SPON1: variants seen among roughly 807,000 people sequenced by gnomAD.
SPON1 encodes spondin 1, also known as spondin-1.
Under a neutral mutation model 111.7 loss-of-function variants are expected in SPON1, and 52 were observed. The observed-to-expected ratio is 0.47, with a 90% CI of 0.37 to 0.59. The LOEUF is 0.59. Among genes scored for constraint, SPON1 ranks in the 20% least tolerant of loss-of-function variants. SPON1 has a pLI of 0.00. For synonymous variants in SPON1, 410 were observed against 395.8 expected, an observed-to-expected ratio of 1.04 and a Z score of -0.43; for missense variants, 957 against 1,068.5, an observed-to-expected ratio of 0.90 and a Z score of 1.46.
intron 14 of SPON1, 165 bp from the exon 15 acceptor site, chr11:14,262,547 G>A: frequency 3.4e-6 from 3 of 878,816 alleles, no homozygotes; most frequent in Non-Finnish European, 5.2e-6. Context: ...CACACGGGCT[G>A]AAGTCAGCCT....
chr11:13,983,586 G>A (rs1316866697), intron 2 of SPON1, among the ~76,000 whole-genome samples: 1 of 152,120 alleles, frequency 6.6e-6, no homozygotes, highest in East Asian at 1.9e-4. Context: ...CACAGACAAG[G>A]ACCCCGACAG....
chr11:14,132,017 G>A lies in SPON1; in HGVS notation c.677-3403G>A, dbSNP rs80299347. ...AATTAGGTCGGGCGCAGTGGCTCACGCCTGTAATCCCAACACTGTGGGAGG... is the reference window on the plus strand; with the variant it reads ...AATTAGGTCGGGCGCAGTGGCTCACACCTGTAATCCCAACACTGTGGGAGG... On this transcript the variant is annotated intron_variant, in intron 5 of 15. Transcript: ENST00000576479. Among the ~76,000 whole-genome samples the A allele has an allele frequency of 8.0e-3, 1,218 of 152,280 alleles. 55 individuals carry two copies. The East Asian group carries it at 0.13, about 16-fold the overall frequency.
chr11:14,055,459 C>T (rs1221953638), intron 3 of SPON1, among the ~76,000 whole-genome samples: 1 of 152,180 alleles, frequency 6.6e-6, no homozygotes, highest in Non-Finnish European at 1.5e-5. Flanking sequence ...AGTCTTCCGT[C>T]TTTTTAAATG....
At chr11:14,249,996 C>G (rs1849035263) in intron 7 of SPON1, among the ~76,000 whole-genome samples, 1 of 152,166 alleles carries the variant, frequency 6.6e-6, no homozygotes, top group Non-Finnish European at 1.5e-5. Context: ...GCTGCCTCTC[C>G]AAATGTAGAA....
At chr11:14,177,503 G>A (rs1200024776) in intron 6 of SPON1, among the ~76,000 whole-genome samples, 4 of 152,114 alleles carry the variant, frequency 2.6e-5, no homozygotes, top group Admixed American at 6.5e-5. Flanking sequence ...ATCTGGGTGG[G>A]GCCAGCTGGT....
At chr11:13,992,416 C>T (rs899713230) in intron 2 of SPON1, among the ~76,000 whole-genome samples, 3 of 152,156 alleles carry the variant, frequency 2.0e-5, no homozygotes, top group Non-Finnish European at 4.4e-5. Flanking sequence ...CCACCAAGCT[C>T]GAGCGTCCCA....
rs139318221 is a variant in SPON1 at position 14,110,393 on chromosome 11, C to T, written c.677-25027C>T. Among the ~76,000 whole-genome samples, 349 of 152,296 alleles carry T rather than the reference C, an allele frequency of 2.3e-3. 1 individual carries two copies. The highest frequency in any genetic ancestry group is 7.6e-3 in the African/African-American group (314 of 41,560). On this transcript the variant is annotated intron_variant, in intron 5 of 15. Transcript: ENST00000576479. ...GCCTAATTGGACTATACATTCTCTA[C>T]CCTACTCCTGGTACCAAAATCTGTG... is the stretch of plus-strand genomic sequence containing the variant.
chr11:14,057,485 A>C lies in SPON1; in HGVS notation c.479+15831A>C, dbSNP rs887501917. Among the ~76,000 whole-genome samples the C allele has an allele frequency of 2.6e-5, 4 of 152,210 alleles. No homozygotes were observed. In the East Asian group the frequency reaches 5.8e-4, roughly 22 times the overall value. ...TATCTGCAACAGAACAATTGTTGAA[A>C]TGTGAATAGGGTTCGAGGATTAGAT... is the stretch of plus-strand genomic sequence containing the variant. On this transcript the variant is annotated intron_variant, in intron 3 of 15. Transcript: ENST00000576479.
At chr11:14,217,428 T>C (rs1279832485) in intron 6 of SPON1, among the ~76,000 whole-genome samples, 3 of 152,220 alleles carry the variant, frequency 2.0e-5, no homozygotes, top group Non-Finnish European at 2.9e-5. Context: ...TCTTGCTCTC[T>C]CATATATTTT....
intron 6 of SPON1, among the ~76,000 whole-genome samples, chr11:14,168,041 T>C (rs1412881827): frequency 6.6e-6 from 1 of 152,182 alleles, no homozygotes; most frequent in African/African-American, 2.4e-5. Flanking sequence ...ACACCTTCCC[T>C]ATACACCTTG....
chr11:14,252,452 G>A (rs572912557), intron 7 of SPON1, among the ~76,000 whole-genome samples: 1 of 150,562 alleles, frequency 6.6e-6, no homozygotes, highest in East Asian at 2.0e-4. Flanking sequence ...CCAGCGCTAT[G>A]TACTTGCCTC....
intron 2 of SPON1, among the ~76,000 whole-genome samples, chr11:14,032,888 C>T (rs1220552395): frequency 2.0e-5 from 3 of 152,152 alleles, no homozygotes; most frequent in African/African-American, 7.2e-5. Flanking sequence ...TGTCCCAATG[C>T]CCTGTTCTTC....
intron 6 of SPON1, among the ~76,000 whole-genome samples, chr11:14,222,097 T>A (rs75235269): frequency 0.018 from 2,699 of 152,368 alleles, 39 homozygotes; most frequent in Non-Finnish European, 0.025. Flanking sequence ...GGTGATACAA[T>A]GGCCTAAGCC....
At chr11:14,244,221 T>C (rs1848962754) in intron 7 of SPON1, among the ~76,000 whole-genome samples, 1 of 152,192 alleles carries the variant, frequency 6.6e-6, no homozygotes, top group Non-Finnish European at 1.5e-5. Flanking sequence ...AGAGTGATCT[T>C]TTAAGAATCC....
chr11:14,032,225 A>G (rs138262847), intron 2 of SPON1, among the ~76,000 whole-genome samples: 1 of 152,356 alleles, frequency 6.6e-6, no homozygotes, highest in Non-Finnish European at 1.5e-5. Flanking sequence ...TTTTATATGT[A>G]TATGTATGCA....
chr11:13,991,148 G>C (rs1554911142), intron 2 of SPON1, among the ~76,000 whole-genome samples: 4 of 152,146 alleles, frequency 2.6e-5, no homozygotes, highest in African/African-American at 9.7e-5. Context: ...AGTTCTCCTG[G>C]ATAATATCCT....
rs1554941247 is a variant in SPON1 at position 14,256,646 on chromosome 11, T to C, written c.1263T>C (p.Asn421=). Residue 421 remains asparagine, a synonymous_variant, in exon 10 of 16, where the codon AAT becomes AAC. Coordinates refer to ENST00000576479, the MANE Select transcript of SPON1 (RefSeq NM_006108.4). ...KGEQCNIVPD[N]VDDIVADLAP... ...AACAATGCAATATTGTACCTGACAATGTCGATGATATTGTAGCTGACCTGG... is the reference window on the plus strand; with the variant it reads ...AACAATGCAATATTGTACCTGACAACGTCGATGATATTGTAGCTGACCTGG... The C allele has an allele frequency of 1.9e-6, 3 of 1,613,890 alleles. No individual in the cohort carries two copies. Among genetic ancestry groups the C allele is most frequent in the Admixed American group, 1.7e-5 (1 of 60,022 alleles).
intron 2 of SPON1, among the ~76,000 whole-genome samples, chr11:14,031,758 A>G (rs2133808844): frequency 1.3e-5 from 2 of 152,256 alleles, no homozygotes. Context: ...TAAAAAATCT[A>G]TATTGAAAGC....
At chr11:14,118,536 G>C (rs1021376392) in intron 5 of SPON1, among the ~76,000 whole-genome samples, 3 of 152,164 alleles carry the variant, frequency 2.0e-5, no homozygotes, top group African/African-American at 7.2e-5. Flanking sequence ...TTTATTTATA[G>C]ATATCCAAAT....
Sources: gnomAD v4.1 joint callset for allele counts (sites outside exome capture counted in the v4.1 genomes callset) on GRCh38, gnomAD v4.1.1 for gene constraint, MANE v1.5 for transcripts, NCBI Gene and HGNC (gene_info 2026-07-23, HGNC 2026-07-21) for gene names.